Variants in DCAF6 observed in about 807,000 individuals in gnomAD.
The protein encoded by DCAF6 is DDB1- and CUL4-associated factor 6.
DCAF6 carries 54 observed loss-of-function variants against 125.1 expected under a neutral mutation model. The ratio of observed to expected loss-of-function variants is 0.43; its 90% confidence interval spans 0.35 to 0.54. The LOEUF is 0.54. Ranked by LOEUF, DCAF6 falls within the 20% of genes least tolerant of loss-of-function variation. The pLI, the probability that DCAF6 is intolerant of heterozygous loss-of-function variation, is 0.01. For synonymous variants in DCAF6, 371 were observed against 390.4 expected (o/e 0.95, Z 0.58); for missense variants, 934 against 1,161.7 (o/e 0.80, Z 2.85).
In DCAF6 at chr1:168,003,981, G is replaced by C. The variant is rs1462500583; in HGVS notation, c.1109G>C (p.Arg370Pro). The change falls in exon 9 of 22, where the codon CGA becomes CCA. Residue 370 changes from arginine to proline, a missense_variant. Physicochemically the swap from Arg to Pro is moderately radical, Grantham distance 103 (BLOSUM62 -2). Transcript: ENST00000367840. The part of the protein sequence containing the change: ...AQSNRGRGRS[R>P]PRGGTSQSDI... ...AGCAATAGAGGACGAGGAAGATCTCGACCCAGAGGTAATTTTTAATGTTAA... is the reference window on the plus strand; with the variant it reads ...AGCAATAGAGGACGAGGAAGATCTCCACCCAGAGGTAATTTTTAATGTTAA... The C allele has an allele frequency of 6.2e-7, 1 of 1,610,942 alleles. No individual in the cohort carries two copies. Among genetic ancestry groups the C allele is most frequent in the Non-Finnish European group, 8.5e-7 (1 of 1,178,646 alleles).
chr1:168,062,734 GTTTTA>G (rs1444840844), intron 17 of DCAF6, among the ~76,000 whole-genome samples: 1 of 151,926 alleles, frequency 6.6e-6, no homozygotes, highest in Non-Finnish European at 1.5e-5. Context: ...TAGGAGAGAA[GTTTTA>G]TTTTAATAGT....
At chr1:167,967,565 CTAAA>C (rs772095137) in intron 3 of DCAF6, among the ~76,000 whole-genome samples, 9 of 152,002 alleles carry the variant, frequency 5.9e-5, no homozygotes, top group Non-Finnish European at 8.8e-5. Flanking sequence ...AGAAATATGA[CTAAA>C]TAGTTATTTT....
At chr1:167,910,150 G>A in the DCAF6 span, among the ~76,000 whole-genome samples, 1 of 152,208 alleles carries the variant, frequency 6.6e-6, no homozygotes, top group Non-Finnish European at 1.5e-5. Context: ...TAACCCGGGT[G>A]TCTAAGGGGT....
Position 168,065,548 on chromosome 1 carries a change from A to G in DCAF6, c.2440-42A>G. The G allele has an allele frequency of 1.5e-6, 2 of 1,366,820 alleles. 1 individual carries two copies. The highest frequency in any genetic ancestry group is 2.7e-5 in the South Asian group (2 of 73,672). 84.7% of individuals were successfully genotyped at this position (1,366,820 alleles called of 1,614,324 possible). ...GAGTAGCATAAATCTTTGTTTTAAT[A>G]ACTTTGATTTGAATTTTTAAATAAT... On this transcript the variant is annotated intron_variant, in intron 18 of 21. Transcript: ENST00000367840.
the DCAF6 span, among the ~76,000 whole-genome samples, chr1:167,910,554 C>T: frequency 6.6e-6 from 1 of 152,158 alleles, no homozygotes; most frequent in Admixed American, 6.5e-5. Context: ...TCCCTACCTT[C>T]TCCTTGAGGT....
intron 1 of DCAF6, among the ~76,000 whole-genome samples, chr1:167,945,821 G>A (rs1672986871): frequency 6.6e-6 from 1 of 150,774 alleles, no homozygotes; most frequent in Non-Finnish European, 1.5e-5. Context: ...GTTATTTGTA[G>A]CTATTGTAAA....
At chr1:168,069,058 C>T (rs1289815254) in intron 21 of DCAF6, among the ~76,000 whole-genome samples, 6 of 152,062 alleles carry the variant, frequency 3.9e-5, no homozygotes, top group Non-Finnish European at 7.4e-5. Flanking sequence ...TTGGTATTAG[C>T]TATCATTTAA....
chr1:167,962,450 C>T (rs545040252), intron 2 of DCAF6, among the ~76,000 whole-genome samples: 1 of 152,112 alleles, frequency 6.6e-6, no homozygotes, highest in African/African-American at 2.4e-5. Flanking sequence ...TATGAAATAC[C>T]CTTCTTTTTC....
intron 4 of DCAF6, among the ~76,000 whole-genome samples, chr1:167,986,266 G>T (rs781445305): frequency 6.6e-6 from 1 of 152,142 alleles, no homozygotes; most frequent in Non-Finnish European, 1.5e-5. Flanking sequence ...AGCTTTAATA[G>T]ATATTGATAC....
chr1:168,044,663 T>C lies in DCAF6; in HGVS notation c.1922T>C (p.Ile641Thr), dbSNP rs1688941938. The C allele has an allele frequency of 6.2e-7, 1 of 1,609,876 alleles. No individual in the cohort carries two copies. The highest frequency in any genetic ancestry group is 1.7e-5 in the Admixed American group (1 of 59,944). ...GCAGAAAACCCAGTTGAGAACCATATCAATATAAGTGAGTTGCTCCCTTTA... is the reference window on the plus strand; with the variant it reads ...GCAGAAAACCCAGTTGAGAACCATACCAATATAAGTGAGTTGCTCCCTTTA... Reference protein sequence around the residue: ...VSAENPVENHINITQSDKFTA... With the variant: ...VSAENPVENHTNITQSDKFTA... Residue 641 changes from isoleucine (I) to threonine (T), a missense_variant, in exon 15 of 22, where the codon ATC becomes ACC. This residue lies in a region of DCAF6 where 559 missense variants were observed against 635.5 expected (regional missense o/e 0.88). Transcript: ENST00000367840.
intron 10 of DCAF6, among the ~76,000 whole-genome samples, chr1:168,013,801 A>G (rs1361326620): frequency 2.6e-5 from 4 of 152,002 alleles, no homozygotes; most frequent in Non-Finnish European, 5.9e-5. Context: ...GCTGGAGTGC[A>G]ATGGTGCAGT....
chr1:168,059,768 C>G (rs751547930), intron 17 of DCAF6, among the ~76,000 whole-genome samples: 1 of 152,082 alleles, frequency 6.6e-6, no homozygotes, highest in Non-Finnish European at 1.5e-5. Flanking sequence ...ACCTCAGCTT[C>G]CTGAGTAGCT....
chr1:167,955,765 C>T (rs1016291048), intron 2 of DCAF6, among the ~76,000 whole-genome samples: 1 of 152,084 alleles, frequency 6.6e-6, no homozygotes, highest in Non-Finnish European at 1.5e-5. Flanking sequence ...TTGTCTTGTT[C>T]TGATCTTAGA....
At chr1:168,024,428 A>C (rs1162942138) in intron 12 of DCAF6, among the ~76,000 whole-genome samples, 1 of 152,216 alleles carries the variant, frequency 6.6e-6, no homozygotes, top group African/African-American at 2.4e-5. Context: ...AATATATGTA[A>C]TTTAAACTAT....
chr1:167,901,725 C>G, the DCAF6 span: 1 of 1,614,170 alleles, frequency 6.2e-7, no homozygotes. Context: ...CCATGGATCT[C>G]CAGGCTACAT....
At position 167,993,397 on chromosome 1, in the gene DCAF6, C is replaced by A; in HGVS notation, c.860C>A (p.Ala287Glu). The change falls in exon 7 of 22, where the codon GCA (alanine) becomes GAA (glutamate). Residue 287 changes from alanine to glutamate, a missense_variant. By Grantham distance (107) the Ala-to-Glu change is moderately radical. Coordinates refer to ENST00000367840, the MANE Select transcript of DCAF6 (RefSeq NM_001198956.2). ...IYLFDPKDDTARELKTPSAEE... is the reference protein window; with the variant it reads ...IYLFDPKDDTERELKTPSAEE... ...CTTTTTGACCCGAAAGATGATACAGCACGAGAACTTAAAACTCCTTCTGCG... is the reference window on the plus strand; with the variant it reads ...CTTTTTGACCCGAAAGATGATACAGAACGAGAACTTAAAACTCCTTCTGCG... 1 of 1,613,856 alleles carries A rather than the reference C, an allele frequency of 6.2e-7. No individual in the cohort carries two copies. Among genetic ancestry groups the A allele is most frequent in the Non-Finnish European group, 8.5e-7 (1 of 1,179,824 alleles).
intron 11 of DCAF6, among the ~76,000 whole-genome samples, chr1:168,021,423 A>G (rs1277434990): frequency 2.0e-5 from 3 of 152,130 alleles, no homozygotes. Flanking sequence ...TTTGTTTTCT[A>G]AAGACCAATT....
chr1:167,890,221 C>A, the DCAF6 span, among the ~76,000 whole-genome samples: 1 of 152,092 alleles, frequency 6.6e-6, no homozygotes, highest in Non-Finnish European at 1.5e-5. Context: ...TCCATATATT[C>A]AAAAAAACTT....
At chr1:168,031,901 C>T (rs1434300429) in intron 12 of DCAF6, among the ~76,000 whole-genome samples, 1 of 152,152 alleles carries the variant, frequency 6.6e-6, no homozygotes, top group Non-Finnish European at 1.5e-5. Flanking sequence ...ACTACTGGTT[C>T]TGAAGTAGGA....
Sources: gnomAD v4.1 joint callset for allele counts (sites outside exome capture counted in the v4.1 genomes callset) on GRCh38, gnomAD v4.1.1 for gene constraint, gnomAD v4.1.1 regional missense constraint, MANE v1.5 for transcripts, NCBI Gene and HGNC (gene_info 2026-07-23, HGNC 2026-07-21) for gene names.